Variants in PANK1 observed in about 807,000 individuals in gnomAD.
The protein encoded by PANK1 is pantothenate kinase 1, also known as pantothenic acid kinase 1.
Under a neutral mutation model 40.1 loss-of-function variants are expected in PANK1, and 18 were observed. The ratio of observed to expected loss-of-function variants is 0.45; its 90% CI spans 0.31 to 0.67. PANK1 has a LOEUF of 0.67. Ranked by LOEUF, PANK1 falls within the 30% of genes least tolerant of loss-of-function variation. The pLI is 0.06. For synonymous variants in PANK1, 242 were observed against 237.7 expected (o/e 1.02, Z -0.17); for missense variants, 457 against 599.6 (o/e 0.76, Z 2.48).
intron 1 of PANK1, among the ~76,000 whole-genome samples, chr10:89,630,567 A>G (rs1841609512): frequency 6.7e-6 from 1 of 149,514 alleles, no homozygotes; most frequent in African/African-American, 2.5e-5. Flanking sequence ...ATCTTGGTGT[A>G]CTGCAAGCTC....
chr10:89,631,896 T>C (rs933966936), intron 1 of PANK1, among the ~76,000 whole-genome samples: 4 of 151,662 alleles, frequency 2.6e-5, no homozygotes, highest in Admixed American at 1.3e-4. Flanking sequence ...TTGTGCATCA[T>C]AAAACACAAT....
chr10:89,616,113 C>T (rs1589795330), intron 1 of PANK1, among the ~76,000 whole-genome samples: 1 of 152,206 alleles, frequency 6.6e-6, no homozygotes. Context: ...TCATCAACAA[C>T]GTACAGCAGG....
At chr10:89,640,178 A>G (rs57799568) in intron 1 of PANK1, among the ~76,000 whole-genome samples, 3,487 of 151,866 alleles carry the variant, frequency 0.023, 129 homozygotes, top group African/African-American at 0.079. Flanking sequence ...AAAAGCACAT[A>G]CAGAACAATG....
chr10:89,618,778 ATTCT>A, intron 1 of PANK1, among the ~76,000 whole-genome samples: 2 of 152,356 alleles, frequency 1.3e-5, no homozygotes, highest in East Asian at 3.9e-4. Flanking sequence ...ACCCTTCCAG[ATTCT>A]TTCTGTTACC....
At chr10:89,628,740 TAAAG>T (rs1212259678) in intron 1 of PANK1, among the ~76,000 whole-genome samples, 1 of 145,362 alleles carries the variant, frequency 6.9e-6, no homozygotes, top group Non-Finnish European at 1.6e-5. Context: ...TACCAGTTCT[TAAAG>T]ATAATCTTTC....
At chr10:89,630,755 G>A (rs1469309535) in intron 1 of PANK1, among the ~76,000 whole-genome samples, 1 of 152,224 alleles carries the variant, frequency 6.6e-6, no homozygotes, top group Non-Finnish European at 1.5e-5. Context: ...GCCTTCCGAA[G>A]TGCTGGAATT....
intron 6 of PANK1, 133 bp from the exon 7 acceptor site, chr10:89,584,598 A>T: frequency 1.6e-6 from 1 of 618,344 alleles, no homozygotes; most frequent in Non-Finnish European, 2.9e-6. Flanking sequence ...AAAACATGGC[A>T]GAATAATAAC....
intron 3 of PANK1, among the ~76,000 whole-genome samples, chr10:89,595,833 A>AAATATAT (rs1174267106): frequency 1.2e-4 from 4 of 33,778 alleles, no homozygotes; most frequent in Non-Finnish European, 1.9e-4. Flanking sequence ...AAAAAAAAAA[A>AAATATAT]ATATATATAT....
intron 3 of PANK1, among the ~76,000 whole-genome samples, chr10:89,595,765 C>A (rs140176115): frequency 1.5e-5 from 2 of 136,208 alleles, no homozygotes; most frequent in Middle Eastern, 4.0e-3. Context: ...TGTAGTGAGC[C>A]GAGATTGCAC....
At chr10:89,582,489 TAC>T (rs1302335267), downstream of PANK1, 1 of 152,160 alleles carries the variant, frequency 6.6e-6, no homozygotes, top group Non-Finnish European at 1.5e-5. Flanking sequence ...TTAAAAAAAA[TAC>T]AGTCACACTA....
intron 1 of PANK1, among the ~76,000 whole-genome samples, chr10:89,631,904 AAT>A (rs1440903853): frequency 2.0e-5 from 3 of 152,152 alleles, no homozygotes; most frequent in Admixed American, 1.3e-4. Flanking sequence ...CATAAAACAC[AAT>A]AGTCTCAACT....
chr10:89,585,700 T>C (rs1331929444), intron 6 of PANK1, among the ~76,000 whole-genome samples: 1 of 152,224 alleles, frequency 6.6e-6, no homozygotes, highest in Non-Finnish European at 1.5e-5. Context: ...AACGCAGTGT[T>C]CTTAACTACC....
At chr10:89,616,753 T>C (rs1564629995) in intron 1 of PANK1, among the ~76,000 whole-genome samples, 1 of 152,014 alleles carries the variant, frequency 6.6e-6, no homozygotes, top group Admixed American at 6.6e-5. Context: ...AAACCCTATC[T>C]CTACTAAAAA....
intron 1 of PANK1, among the ~76,000 whole-genome samples, chr10:89,619,959 A>T (rs150242364): frequency 7.7e-4 from 117 of 152,356 alleles, no homozygotes; most frequent in African/African-American, 2.6e-3. Context: ...TCCTGAAATT[A>T]GTACTTTTAT....
At chr10:89,594,057 G>A (rs529744353) in intron 3 of PANK1, 68 bp from the exon 4 acceptor site, 11 of 1,092,766 alleles carry the variant, frequency 1.0e-5, no homozygotes, top group Non-Finnish European at 1.5e-5. Context: ...CCCCAACTAC[G>A]TCAAGACTAT....
At chr10:89,595,799 A>G (rs1294308733) in intron 3 of PANK1, among the ~76,000 whole-genome samples, 2 of 129,526 alleles carry the variant, frequency 1.5e-5, no homozygotes, top group African/African-American at 5.7e-5. Flanking sequence ...CCTGGGTGAC[A>G]GAGCCGGACT....
intron 5 of PANK1, among the ~76,000 whole-genome samples, chr10:89,592,227 T>C (rs1262544650): frequency 6.6e-6 from 1 of 152,194 alleles, no homozygotes; most frequent in Non-Finnish European, 1.5e-5. Flanking sequence ...TTCAGTGTTA[T>C]GCAAGGAGAG....
At chr10:89,598,445 T>C (rs1844675384) in intron 3 of PANK1, among the ~76,000 whole-genome samples, 1 of 152,240 alleles carries the variant, frequency 6.6e-6, no homozygotes. Context: ...ACATTCTACA[T>C]GGCACTAATC....
intron 5 of PANK1, chr10:89,592,936 A>T: frequency 1.9e-6 from 1 of 532,270 alleles, no homozygotes. Flanking sequence ...GGTTAGAGAG[A>T]CTATGACATG....
Sources: allele counts gnomAD v4.1 joint callset (sites outside exome capture counted in the v4.1 genomes callset), GRCh38; gene constraint gnomAD v4.1.1; transcripts MANE v1.5; gene names NCBI Gene and HGNC (gene_info 2026-07-23, HGNC 2026-07-21).